Variants in SLC1A2 observed in about 807,000 individuals in gnomAD.
SLC1A2 encodes excitatory amino acid transporter 2.
SLC1A2 carries 15 observed loss-of-function variants against 48.8 expected under a neutral mutation model. That is an observed-to-expected ratio of 0.31 (90% CI 0.21 to 0.47). The LOEUF (loss-of-function observed/expected upper bound fraction) is 0.47, where lower values mean the gene tolerates loss of function less well. SLC1A2 is among the 20% of genes least tolerant of loss of function. The pLI, the probability that SLC1A2 is intolerant of heterozygous loss-of-function variation, is 0.99. For missense variants in SLC1A2, 502 were observed against 730.5 expected (o/e 0.69, Z 3.61); for synonymous variants, 279 against 272.6 (o/e 1.02, Z -0.23).
chr11:35,318,517 GT>G (rs1350740454), intron 1 of SLC1A2, among the ~76,000 whole-genome samples: 1 of 152,214 alleles, frequency 6.6e-6, no homozygotes, highest in African/African-American at 2.4e-5. Context: ...AGACAGGGAG[GT>G]GTTGCATTAT....
intron 8 of SLC1A2, among the ~76,000 whole-genome samples, chr11:35,281,430 T>C (rs1447761854): frequency 6.6e-6 from 1 of 152,194 alleles, no homozygotes; most frequent in East Asian, 1.9e-4. Context: ...TTTTGGACTA[T>C]GTGGCAAGGG....
intron 4 of SLC1A2, chr11:35,307,180 G>A (rs967629673): frequency 6.7e-6 from 1 of 149,728 alleles, no homozygotes; most frequent in African/African-American, 2.5e-5. Context: ...CCACTGGACA[G>A]GGGTATCACA....
chr11:35,318,798 A>G (rs1158904467), intron 1 of SLC1A2, among the ~76,000 whole-genome samples: 1 of 152,140 alleles, frequency 6.6e-6, no homozygotes, highest in Admixed American at 6.5e-5. Flanking sequence ...ACACCCATCA[A>G]CTTCATGACA....
intron 1 of SLC1A2, among the ~76,000 whole-genome samples, chr11:35,410,726 A>G (rs1885341): frequency 0.69 from 104,724 of 152,006 alleles, 36,634 homozygotes; most frequent in African/African-American, 0.81. Flanking sequence ...TTAATGCAGG[A>G]GTAGAAAGGC....
At chr11:35,376,763 G>GA (rs370975890) in intron 1 of SLC1A2, among the ~76,000 whole-genome samples, 6 of 151,596 alleles carry the variant, frequency 4.0e-5, no homozygotes, top group Non-Finnish European at 7.4e-5. Context: ...ATCTGCTTCA[G>GA]AAAAAAAAGC....
At chr11:35,410,050 T>G (rs1310282019) in intron 1 of SLC1A2, among the ~76,000 whole-genome samples, 1 of 151,984 alleles carries the variant, frequency 6.6e-6, no homozygotes, top group African/African-American at 2.4e-5. Flanking sequence ...AGAACAGGAT[T>G]GGGGCCGGAG....
chr11:35,285,225 G>A (rs1189948172), intron 8 of SLC1A2: 1 of 152,224 alleles, frequency 6.6e-6, no homozygotes, highest in Non-Finnish European at 1.5e-5. Context: ...ATAGAAATTT[G>A]ACTTGTGCCT....
chr11:35,311,714 A>T (rs1462992348), intron 4 of SLC1A2, among the ~76,000 whole-genome samples: 1 of 152,000 alleles, frequency 6.6e-6, no homozygotes, highest in Non-Finnish European at 1.5e-5. Context: ...GTATTTTTTT[A>T]AAAGTGCCAT....
chr11:35,380,627 C>T, intron 1 of SLC1A2: 3 of 388,502 alleles, frequency 7.7e-6, no homozygotes, highest in Non-Finnish European at 1.4e-5. Flanking sequence ...AGGAACCCCT[C>T]ATCTCTTCTG....
chr11:35,279,470 T>C (rs559089037), intron 9 of SLC1A2, among the ~76,000 whole-genome samples: 4 of 152,230 alleles, frequency 2.6e-5, no homozygotes, highest in Non-Finnish European at 5.9e-5. Context: ...CACCACGCCC[T>C]GCCTCCAAGA....
chr11:35,345,262 T>C (rs1852986762), intron 1 of SLC1A2, among the ~76,000 whole-genome samples: 1 of 152,150 alleles, frequency 6.6e-6, no homozygotes. Context: ...TGTAAAACAC[T>C]TCATAAAACG....
At chr11:35,301,404 A>G in intron 6 of SLC1A2, 115 bp downstream of exon 6, 2 of 873,958 alleles carry the variant, frequency 2.3e-6, no homozygotes, top group Middle Eastern at 2.3e-4. Context: ...GTCTTTCTGG[A>G]AAGACATTTG....
intron 4 of SLC1A2, among the ~76,000 whole-genome samples, chr11:35,310,292 C>T (rs1411876247): frequency 7.9e-5 from 12 of 152,172 alleles, no homozygotes; most frequent in Admixed American, 7.9e-4. Flanking sequence ...ATGCTCTTTC[C>T]AAAATGTTAA....
At chr11:35,395,787 T>C (rs1854935506) in intron 1 of SLC1A2, among the ~76,000 whole-genome samples, 1 of 142,576 alleles carries the variant, frequency 7.0e-6, no homozygotes, top group Non-Finnish European at 1.5e-5. Context: ...TAACTCGTCA[T>C]CTAGCATTAG....
intron 1 of SLC1A2, among the ~76,000 whole-genome samples, chr11:35,377,329 A>G (rs919505411): frequency 6.6e-6 from 1 of 152,182 alleles, no homozygotes; most frequent in Non-Finnish European, 1.5e-5. Flanking sequence ...TGTTTCAACC[A>G]ATATTGGACT....
chr11:35,371,339 C>T (rs1854057181), intron 1 of SLC1A2, among the ~76,000 whole-genome samples: 1 of 152,194 alleles, frequency 6.6e-6, no homozygotes, highest in South Asian at 2.1e-4. Flanking sequence ...TCCAGCTGGA[C>T]CCTCAGAACC....
intron 10 of SLC1A2, chr11:35,264,691 A>G (rs1443721194): frequency 2.0e-5 from 3 of 152,216 alleles, no homozygotes; most frequent in African/African-American, 7.2e-5. Context: ...TTTCTGGATA[A>G]TTGTCCTGAA....
At chr11:35,377,816 T>G (rs1854293765) in intron 1 of SLC1A2, among the ~76,000 whole-genome samples, 1 of 152,188 alleles carries the variant, frequency 6.6e-6, no homozygotes, top group Non-Finnish European at 1.5e-5. Flanking sequence ...GAAAGAAACG[T>G]TTTTGTTTTG....
intron 9 of SLC1A2, among the ~76,000 whole-genome samples, chr11:35,268,545 A>T (rs921343240): frequency 2.0e-5 from 3 of 151,870 alleles, no homozygotes; most frequent in Non-Finnish European, 2.9e-5. Flanking sequence ...TGCACCTATA[A>T]TCCCAGATAC....
Sources: gnomAD v4.1 joint callset for allele counts (sites outside exome capture counted in the v4.1 genomes callset) on GRCh38, gnomAD v4.1.1 for gene constraint, MANE v1.5 for transcripts, NCBI Gene and HGNC (gene_info 2026-07-23, HGNC 2026-07-21) for gene names.